Variants in TBC1D22A observed in about 807,000 individuals in gnomAD.
The protein encoded by TBC1D22A is TBC1 domain family member 22A.
A neutral mutation model predicts 60.2 loss-of-function variants in TBC1D22A; 38 were observed. The observed-to-expected ratio is 0.63, with a 90% confidence interval of 0.49 to 0.83. The LOEUF is 0.83. Ranked by LOEUF, TBC1D22A falls within the 40% of genes least tolerant of loss-of-function variation. The pLI is 0.00. For synonymous variants in TBC1D22A, 302 were observed against 281.7 expected, an observed-to-expected ratio of 1.07 and a Z score of -0.72; for missense variants, 628 against 701.0, an observed-to-expected ratio of 0.90 and a Z score of 1.18.
chr22:46,950,194 G>A (rs1290271014), intron 8 of TBC1D22A, among the ~76,000 whole-genome samples: 2 of 152,156 alleles, frequency 1.3e-5, no homozygotes, highest in Non-Finnish European at 2.9e-5. Flanking sequence ...TGAAAGTTGA[G>A]CTGATGAAAG....
At chr22:47,159,572 C>T (rs1386274624) in intron 12 of TBC1D22A, among the ~76,000 whole-genome samples, 2 of 151,802 alleles carry the variant, frequency 1.3e-5, no homozygotes, top group African/African-American at 2.4e-5. Context: ...ACACTACACA[C>T]ACACCACAGT....
In TBC1D22A at chr22:47,149,127, C is replaced by T. The variant is rs2067398945; in HGVS notation, c.1426-24371C>T. 2.0e-5 allele frequency among the ~76,000 whole-genome samples: 3 copies of T among 152,294 alleles called. No individual in the cohort carries two copies. In the South Asian group the frequency reaches 6.2e-4, roughly 32 times the overall value. On this transcript the variant is annotated intron_variant, in intron 12 of 12. Coordinates refer to ENST00000337137, the MANE Select transcript of TBC1D22A (RefSeq NM_014346.5). ...GAGTGATTGGTGCCCGTTGTTGGTC[C>T]AGTCCCCTGGGGCTGGGGTCACATG... is the stretch of plus-strand genomic sequence containing the variant.
At chr22:46,965,294 TG>T (rs1342325770) in intron 8 of TBC1D22A, among the ~76,000 whole-genome samples, 1 of 152,174 alleles carries the variant, frequency 6.6e-6, no homozygotes, top group African/African-American at 2.4e-5. Context: ...ATCTGACCTG[TG>T]GGGGCGGGGT....
At chr22:46,883,198 A>G (rs1424840682) in intron 5 of TBC1D22A, among the ~76,000 whole-genome samples, 2 of 152,214 alleles carry the variant, frequency 1.3e-5, no homozygotes, top group Non-Finnish European at 2.9e-5. Context: ...CTCCAGTATT[A>G]TCTTTGTTTT....
intron 11 of TBC1D22A, among the ~76,000 whole-genome samples, chr22:47,039,615 AGCCAAT>A (rs923671670): frequency 1.8e-4 from 27 of 149,212 alleles, no homozygotes; most frequent in Non-Finnish European, 3.3e-4. Context: ...TTGGAAGAGG[AGCCAAT>A]GATGCAGAGA....
chr22:46,970,342 T>A (rs910567379), intron 8 of TBC1D22A, among the ~76,000 whole-genome samples: 1 of 152,238 alleles, frequency 6.6e-6, no homozygotes, highest in African/African-American at 2.4e-5. Flanking sequence ...CATTTTTTCC[T>A]TTCAATCGCG....
At chr22:47,011,586 C>T (rs771155114) in intron 10 of TBC1D22A, among the ~76,000 whole-genome samples, 16 of 152,210 alleles carry the variant, frequency 1.1e-4, no homozygotes, top group Non-Finnish European at 1.9e-4. Context: ...GCAGCCTGCA[C>T]GTTAGGGCTC....
intron 8 of TBC1D22A, among the ~76,000 whole-genome samples, chr22:46,951,842 C>G (rs2072922768): frequency 6.6e-6 from 1 of 152,176 alleles, no homozygotes; most frequent in Non-Finnish European, 1.5e-5. Context: ...TGCTTTCATC[C>G]CTGAGCACAT....
chr22:47,019,906 TCTCCATCCTCCCCTCTCCCTTAACC>T (rs2062026248), intron 10 of TBC1D22A, among the ~76,000 whole-genome samples: 1 of 86,028 alleles, frequency 1.2e-5, no homozygotes, highest in Non-Finnish European at 2.6e-5. Flanking sequence ...CTCCCTTAAC[TCTCCATCCTCCCCTCTCCCTTAACC>T]CTCCATCATG....
At chr22:46,906,760 G>T (rs1335461291) in intron 7 of TBC1D22A, among the ~76,000 whole-genome samples, 1 of 151,362 alleles carries the variant, frequency 6.6e-6, no homozygotes, top group Non-Finnish European at 1.5e-5. Context: ...CTGTGTGTGT[G>T]TCCCAGATGG....
Position 46,990,636 on chromosome 22 carries a change from C to G in TBC1D22A, c.1126-6998C>G, listed in dbSNP as rs9616190. 6.6e-6 allele frequency among the ~76,000 whole-genome samples: 1 copy of G among 152,032 alleles called. No individual in the cohort carries two copies. The highest frequency in any genetic ancestry group is 1.5e-5 in the Non-Finnish European group (1 of 68,000). On this transcript the variant is annotated intron_variant, in intron 9 of 12. Coordinates refer to ENST00000337137, the MANE Select transcript of TBC1D22A (RefSeq NM_014346.5). The surrounding 1 kb of genome is among the most constrained non-coding windows in gnomAD (Gnocchi z 4.6). ...TGTCGTCCCCTGCCCTGAACACCCT[C>G]GTGCCCCGCCTGTTCATCCCCTTCC...
chr22:47,079,138 G>T lies in TBC1D22A; in HGVS notation c.1330-32370G>T, dbSNP rs2064352240. ...GTCTTACTCTGTCACCCAGGCTGGT[G>T]TGCAGTGGCACGATCTTGGCTCACT... On this transcript the variant is annotated intron_variant, in intron 11 of 12. Transcript: ENST00000337137. Among the ~76,000 whole-genome samples, 3 of 146,766 alleles carry T rather than the reference G, an allele frequency of 2.0e-5. No homozygotes were observed. In the South Asian group the frequency reaches 6.5e-4, roughly 32 times the overall value.
chr22:47,165,879 CGGAG>C (rs1336927164), intron 12 of TBC1D22A, among the ~76,000 whole-genome samples: 2 of 152,134 alleles, frequency 1.3e-5, no homozygotes, highest in Non-Finnish European at 2.9e-5. Context: ...GCTGCACACG[CGGAG>C]TGTCAGGAGG....
At chr22:47,045,657 G>A (rs558255881) in intron 11 of TBC1D22A, among the ~76,000 whole-genome samples, 1 of 152,290 alleles carries the variant, frequency 6.6e-6, no homozygotes, top group East Asian at 1.9e-4. Context: ...TTCATTTCTT[G>A]CTCACTAGTC....
chr22:47,126,271 C>T (rs1051099533), intron 12 of TBC1D22A, among the ~76,000 whole-genome samples: 3 of 152,258 alleles, frequency 2.0e-5, no homozygotes, highest in African/African-American at 2.4e-5. Flanking sequence ...CATGAGCCAC[C>T]GTGCCCGGCC....
intron 8 of TBC1D22A, among the ~76,000 whole-genome samples, chr22:46,957,476 T>G (rs963211090): frequency 2.6e-5 from 4 of 152,180 alleles, no homozygotes; most frequent in African/African-American, 7.2e-5. Context: ...GTCGGATGCT[T>G]ATAAGACCAG....
At chr22:46,842,687 T>C (rs1161825258) in intron 4 of TBC1D22A, among the ~76,000 whole-genome samples, 1 of 152,262 alleles carries the variant, frequency 6.6e-6, no homozygotes, top group Non-Finnish European at 1.5e-5. Context: ...GATCAAACTG[T>C]AGAACATCAG....
At chr22:46,798,785 G>A (rs570529044) in intron 4 of TBC1D22A, among the ~76,000 whole-genome samples, 3 of 152,390 alleles carry the variant, frequency 2.0e-5, no homozygotes, top group South Asian at 4.1e-4. Flanking sequence ...AGGAGGTGGC[G>A]AGTGGCGCAC....
At chr22:46,778,635 T>C (rs550362154) in intron 1 of TBC1D22A, among the ~76,000 whole-genome samples, 19 of 152,188 alleles carry the variant, frequency 1.2e-4, no homozygotes, top group Non-Finnish European at 2.5e-4. Context: ...TAACATTGCC[T>C]TCTTCTGGAA....
Sources: gnomAD v4.1 joint callset for allele counts (sites outside exome capture counted in the v4.1 genomes callset) on GRCh38, gnomAD v4.1.1 for gene constraint, Gnocchi (gnomAD v3.1) non-coding constraint, MANE v1.5 for transcripts, NCBI Gene and HGNC (gene_info 2026-07-23, HGNC 2026-07-21) for gene names.